Variants in ABI3BP observed in about 807,000 individuals in gnomAD.
ABI3BP encodes the protein target of Nesh-SH3.
Under a neutral mutation model 268.6 loss-of-function variants are expected in ABI3BP, and 216 were observed. That is an observed-to-expected ratio of 0.80 (90% confidence interval 0.72 to 0.90). The LOEUF (loss-of-function observed/expected upper bound fraction) is 0.90. ABI3BP is among the 40% of genes least tolerant of loss of function. The pLI is 0.00. For synonymous variants in ABI3BP, 730 were observed against 730.0 expected (o/e 1.00, Z 0.00); for missense variants, 2,090 against 2,182.4 (o/e 0.96, Z 0.84).
intron 57 of ABI3BP, among the ~76,000 whole-genome samples, chr3:100,786,098 C>T (rs529484326): frequency 9.2e-5 from 14 of 152,220 alleles, no homozygotes; most frequent in Non-Finnish European, 1.8e-4. Context: ...AGCTGGGTGC[C>T]GTCTGCTGAC....
intron 29 of ABI3BP, 81 bp from the exon 30 acceptor site, chr3:100,833,238 A>G: frequency 7.5e-7 from 1 of 1,335,114 alleles, no homozygotes; most frequent in Non-Finnish European, 1.0e-6. Context: ...TCTCTTGAAA[A>G]GTGAACTTTA....
At chr3:100,990,832 C>T (rs1351348546) in intron 1 of ABI3BP, among the ~76,000 whole-genome samples, 2 of 151,960 alleles carry the variant, frequency 1.3e-5, no homozygotes, top group Non-Finnish European at 2.9e-5. Flanking sequence ...CCTGGCTCCA[C>T]CATTAACATG....
At chr3:100,770,611 G>T in intron 62 of ABI3BP, 132 bp downstream of exon 62, 1 of 729,184 alleles carries the variant, frequency 1.4e-6, no homozygotes, top group Non-Finnish European at 2.0e-6. Context: ...TGCCTTAAAG[G>T]CAGCAAAACT....
chr3:100,864,919 A>G lies in ABI3BP; in HGVS notation c.989-12T>C. ...TGTTTCAGGAGTCACTGAAAGGTAA[A>G]AAGCACAACTTTACAAATTAAGATA... On this transcript the variant is annotated splice_polypyrimidine_tract_variant and intron_variant, in intron 10 of 67. Coordinates refer to ENST00000471714, the MANE Select transcript of ABI3BP (RefSeq NM_001375547.2). 6.3e-7 allele frequency: 1 copy of G among 1,592,812 alleles called. No individual in the cohort carries two copies. Among genetic ancestry groups the G allele is most frequent in the South Asian group, 1.1e-5 (1 of 87,462 alleles).
chr3:100,811,792 G>T lies in ABI3BP; in HGVS notation c.3429C>A (p.Ala1143=). 1.3e-6 allele frequency: 2 copies of T among 1,535,464 alleles called. No individual in the cohort carries two copies. The highest frequency in any genetic ancestry group is 8.7e-7 in the Non-Finnish European group (1 of 1,146,442). ...CAGTGGGATATACATAGTCTGTTTT[G>T]GCTGGTGCTAGGGAAGAAACGGGAA... ...TESPKETIAP[A]KTDYVYPTAK... Residue 1143 remains alanine (A), a synonymous_variant, in exon 47 of 68, where the codon GCC becomes GCA. Transcript: ENST00000471714.
At chr3:100,816,101 A>G in intron 43 of ABI3BP, 130 bp from the exon 44 acceptor site, 1 of 674,106 alleles carries the variant, frequency 1.5e-6, no homozygotes, top group Non-Finnish European at 2.4e-6. Flanking sequence ...GATAGGCAGC[A>G]TATAGTTGCT....
intron 60 of ABI3BP, 45 bp downstream of exon 60, chr3:100,775,162 C>T: frequency 1.9e-6 from 3 of 1,590,460 alleles, no homozygotes; most frequent in South Asian, 1.1e-5. Flanking sequence ...AAATCTTTTG[C>T]ACCTCACAGC....
chr3:100,935,029 G>A (rs1217085736), intron 1 of ABI3BP, among the ~76,000 whole-genome samples: 1 of 152,122 alleles, frequency 6.6e-6, no homozygotes, highest in Non-Finnish European at 1.5e-5. Flanking sequence ...TGCTTTTGGT[G>A]TTTTAGTCAT....
In ABI3BP at chr3:100,828,491, T is replaced by C. The variant is rs1235479409; in HGVS notation, c.2543-39A>G. 5 of 1,481,434 alleles carry C rather than the reference T, an allele frequency of 3.4e-6. No individual in the cohort carries two copies. In the East Asian group the frequency reaches 9.8e-5, roughly 29 times the overall value. The allele number at this position is 1,481,434 out of a possible 1,614,324, so 91.8% of individuals were successfully genotyped here. A position where few individuals can be genotyped will look rare whatever the true frequency, so the allele number is the denominator to read the frequency against. On this transcript the variant is annotated intron_variant, in intron 33 of 67. Coordinates refer to ENST00000471714, the MANE Select transcript of ABI3BP (RefSeq NM_001375547.2). ...ATAAAAATAAAACACCAACAAAACA[T>C]TAAAAATTTATAAAAACTCAGAACA...
chr3:100,817,630 T>C (rs1012376052), intron 41 of ABI3BP, 135 bp from the exon 42 acceptor site: 1 of 548,216 alleles, frequency 1.8e-6, no homozygotes, highest in East Asian at 3.0e-5. Flanking sequence ...AGGTACCCAT[T>C]AGTCTCATAA....
rs1040788403 is a variant in ABI3BP at position 100,799,112 on chromosome 3, A to T, written c.3758-2644T>A. 2.0e-5 allele frequency among the ~76,000 whole-genome samples: 3 copies of T among 152,202 alleles called. No homozygotes were observed. In the South Asian group the frequency reaches 6.2e-4, roughly 32 times the overall value. On this transcript the variant is annotated intron_variant, in intron 51 of 67. Transcript: ENST00000471714. The stretch of plus-strand genomic sequence containing the variant: ...ACCTACAAAACAGCTCGAATGCTCT[A>T]ATATCTTTAAAAAAAATCATTTCCT...
intron 57 of ABI3BP, among the ~76,000 whole-genome samples, chr3:100,786,474 T>C (rs770717686): frequency 6.6e-6 from 1 of 152,204 alleles, no homozygotes; most frequent in Non-Finnish European, 1.5e-5. Flanking sequence ...CCCTGAGAGA[T>C]AATTGCATGC....
intron 63 of ABI3BP, among the ~76,000 whole-genome samples, chr3:100,756,776 GTT>G (rs66981610): frequency 0.014 from 1,878 of 130,660 alleles, 30 homozygotes; most frequent in African/African-American, 0.049. Context: ...TACTTTTTGG[GTT>G]TTTTTTTTTT....
In ABI3BP at chr3:100,762,365, CAT is replaced by C. The variant is rs139646820; in HGVS notation, c.4850+3474_4850+3475del. On this transcript the variant is annotated intron_variant, in intron 63 of 67. Transcript: ENST00000471714. Reference sequence around the variant, plus strand: ...AGAACTACTTGTGTGTCACCTAAATCATGTATATGGATTTGATGAGAAAGAAA... The same window carrying C: ...AGAACTACTTGTGTGTCACCTAAATCGTATATGGATTTGATGAGAAAGAAA... 5.9e-3 allele frequency among the ~76,000 whole-genome samples: 904 copies of C among 152,310 alleles called. 14 individuals carry two copies. Among genetic ancestry groups the C allele is most frequent in the African/African-American group, 0.021 (860 of 41,558 alleles).
At chr3:100,846,074 A>T (rs1219908278) in intron 20 of ABI3BP, among the ~76,000 whole-genome samples, 2 of 152,144 alleles carry the variant, frequency 1.3e-5, no homozygotes, top group African/African-American at 4.8e-5. Flanking sequence ...TGAGATTAGA[A>T]TTCCAGTCAA....
chr3:100,861,837 T>C (rs58895728), intron 14 of ABI3BP, among the ~76,000 whole-genome samples: 8,719 of 152,222 alleles, frequency 0.057, 723 homozygotes, highest in African/African-American at 0.18. Flanking sequence ...GGACCTGTGG[T>C]CTCTCCTACA....
At chr3:100,954,380 G>T (rs2076125975) in intron 1 of ABI3BP, among the ~76,000 whole-genome samples, 1 of 152,052 alleles carries the variant, frequency 6.6e-6, no homozygotes, top group African/African-American at 2.4e-5. Flanking sequence ...TTACCCTTTG[G>T]ATAGAATTTC....
intron 62 of ABI3BP, among the ~76,000 whole-genome samples, chr3:100,768,213 G>A (rs1465355096): frequency 6.7e-6 from 1 of 148,614 alleles, no homozygotes; most frequent in Non-Finnish European, 1.5e-5. Context: ...CTCAGCCTCC[G>A]GAGTAGCTGG....
intron 1 of ABI3BP, among the ~76,000 whole-genome samples, chr3:100,951,018 C>T (rs1472958099): frequency 6.6e-6 from 1 of 151,938 alleles, no homozygotes; most frequent in Non-Finnish European, 1.5e-5. Flanking sequence ...ATCTGCCACA[C>T]TAACTGCTCA....
Sources: gnomAD v4.1 joint callset for allele counts (sites outside exome capture counted in the v4.1 genomes callset) on GRCh38, gnomAD v4.1.1 for gene constraint, MANE v1.5 for transcripts, NCBI Gene and HGNC (gene_info 2026-07-23, HGNC 2026-07-21) for gene names.